The following ZFAND4 variants were observed in gnomAD, a reference collection of about 807,000 sequenced individuals.
ZFAND4 encodes the protein AN1-type zinc finger protein 4.
ZFAND4 carries 43 observed loss-of-function variants against 64.4 expected under a neutral mutation model. The observed-to-expected ratio is 0.67, with a 90% CI of 0.52 to 0.86. ZFAND4 has a LOEUF of 0.86. Among genes scored for constraint, ZFAND4 ranks in the 40% least tolerant of loss-of-function variants. The probability of loss-of-function intolerance (pLI) is 0.00; values close to 1 mark genes in which losing one functional copy is unlikely to be tolerated. For synonymous variants in ZFAND4, 296 were observed against 305.7 expected (o/e 0.97, Z 0.33); for missense variants, 929 against 859.8 (o/e 1.08, Z -1.01).
intron 6 of ZFAND4, among the ~76,000 whole-genome samples, chr10:45,635,334 T>C (rs1197913626): frequency 1.3e-5 from 2 of 148,770 alleles, no homozygotes; most frequent in African/African-American, 2.5e-5. Context: ...GCACAACCAA[T>C]GGAAAAGAAC....
chr10:45,646,397 G>A (rs1225956120), intron 5 of ZFAND4, among the ~76,000 whole-genome samples: 1 of 152,118 alleles, frequency 6.6e-6, no homozygotes, highest in East Asian at 1.9e-4. Context: ...GTTCTTCATG[G>A]TATGATCAGA....
At chr10:45,629,959 C>A (rs1020258956) in intron 6 of ZFAND4, among the ~76,000 whole-genome samples, 2 of 152,090 alleles carry the variant, frequency 1.3e-5, no homozygotes, top group African/African-American at 4.8e-5. Context: ...GAAGAGGATG[C>A]TCTTGAAATA....
At chr10:45,660,950 A>C (rs2048433203) in intron 2 of ZFAND4, among the ~76,000 whole-genome samples, 3 of 152,232 alleles carry the variant, frequency 2.0e-5, no homozygotes, top group Non-Finnish European at 4.4e-5. Flanking sequence ...ACTAAGATCT[A>C]CATAAAGAAA....
intron 5 of ZFAND4, among the ~76,000 whole-genome samples, chr10:45,644,298 A>G (rs1030548521): frequency 2.0e-5 from 3 of 152,246 alleles, no homozygotes; most frequent in African/African-American, 7.2e-5. Context: ...ATTAGATAGC[A>G]AAGCATGATG....
At chr10:45,640,486 G>T in intron 5 of ZFAND4, 1 of 1,134,650 alleles carries the variant, frequency 8.8e-7, no homozygotes, top group Non-Finnish European at 1.1e-6. Flanking sequence ...TATTCTTAAG[G>T]AGCAAAAAAC....
chr10:45,646,408 T>C (rs1051119634), intron 5 of ZFAND4, among the ~76,000 whole-genome samples: 1 of 152,220 alleles, frequency 6.6e-6, no homozygotes, highest in Non-Finnish European at 1.5e-5. Context: ...TATGATCAGA[T>C]TGTTTTCTAC....
chr10:45,671,577 A>C (rs945438898), intron 1 of ZFAND4, among the ~76,000 whole-genome samples: 8 of 152,326 alleles, frequency 5.3e-5, no homozygotes, highest in African/African-American at 1.9e-4. Flanking sequence ...AAACTGTCAC[A>C]AGGACAGAAA....
intron 6 of ZFAND4, among the ~76,000 whole-genome samples, chr10:45,637,826 T>C (rs2046717162): frequency 6.6e-6 from 1 of 151,898 alleles, no homozygotes; most frequent in Non-Finnish European, 1.5e-5. Context: ...ACCCAAAGAA[T>C]AAGAAAGTAA....
At chr10:45,642,508 G>A (rs556753941) in intron 5 of ZFAND4, among the ~76,000 whole-genome samples, 167 of 151,346 alleles carry the variant, frequency 1.1e-3, no homozygotes, top group Non-Finnish European at 2.3e-3. Context: ...TCAGGAGGCT[G>A]AGGCAGGAGA....
At chr10:45,637,787 G>A (rs957590635) in intron 6 of ZFAND4, among the ~76,000 whole-genome samples, 19 of 149,100 alleles carry the variant, frequency 1.3e-4, no homozygotes, top group Admixed American at 4.1e-4. Context: ...AAACAAAACT[G>A]ATAAATTAGA....
At chr10:45,647,156 C>T (rs999311280) in intron 5 of ZFAND4, among the ~76,000 whole-genome samples, 1 of 152,102 alleles carries the variant, frequency 6.6e-6, no homozygotes, top group African/African-American at 2.4e-5. Context: ...ATTTAGGCCC[C>T]AAATCAGTTG....
intron 1 of ZFAND4, among the ~76,000 whole-genome samples, chr10:45,668,468 C>T (rs2048975137): frequency 6.6e-6 from 1 of 152,182 alleles, no homozygotes; most frequent in Admixed American, 6.5e-5. Flanking sequence ...GAAGAAACTG[C>T]AACAATTAAT....
At position 45,616,948 on chromosome 10, in the gene ZFAND4, G is replaced by A. The variant is rs148163808; in HGVS notation, c.2049-377C>T. 2.4e-3 allele frequency among the ~76,000 whole-genome samples: 364 copies of A among 152,134 alleles called. 3 individuals carry two copies. Among genetic ancestry groups the A allele is most frequent in the African/African-American group, 8.5e-3 (353 of 41,516 alleles). On this transcript the variant is annotated intron_variant, in intron 9 of 9. Transcript: ENST00000344646. ...ACAAAAATTAGCTGGGTGTGGTGGC[G>A]TGCATCTATAGTCCAGCTACTCGGG...
intron 9 of ZFAND4, among the ~76,000 whole-genome samples, chr10:45,617,591 GAAAAAAAA>G (rs11362238): frequency 4.2e-5 from 3 of 71,080 alleles, no homozygotes; most frequent in African/African-American, 5.4e-5. Context: ...TTACAGTACT[GAAAAAAAA>G]AAAAAAAAAA....
In ZFAND4 at chr10:45,616,674, T is replaced by C. The variant is rs576728471; in HGVS notation, c.2049-103A>G. ...TTCAGGTAGTCCAACAGGGGCCCTT[T>C]GGTTCTTTTTAGCAATTTCACTGCT... On this transcript the variant is annotated intron_variant, in intron 9 of 9. Transcript: ENST00000344646. The C allele has an allele frequency of 4.2e-4, 521 of 1,237,374 alleles. 1 individual carries two copies. The highest frequency in any genetic ancestry group is 5.5e-4 in the Non-Finnish European group (489 of 884,900). The allele number at this position is 1,237,374 out of a possible 1,614,324, so 76.6% of individuals were successfully genotyped here.
intron 1 of ZFAND4, among the ~76,000 whole-genome samples, chr10:45,670,137 G>A (rs1339115043): frequency 5.3e-5 from 8 of 152,072 alleles, no homozygotes; most frequent in East Asian, 3.9e-4. Context: ...AAACCCCATC[G>A]TCCCAACCCA....
intron 1 of ZFAND4, among the ~76,000 whole-genome samples, chr10:45,670,110 A>C (rs1274733232): frequency 6.6e-6 from 1 of 152,198 alleles, no homozygotes. Flanking sequence ...TGCAGATGAC[A>C]TGATTATACA....
chr10:45,624,431 A>T (rs1246943733), intron 8 of ZFAND4, 152 bp downstream of exon 8: 4 of 625,712 alleles, frequency 6.4e-6, no homozygotes, highest in Non-Finnish European at 1.1e-5. Context: ...CGTTCTCATA[A>T]TTATTCTTAA....
At chr10:45,666,818 CT>C (rs2048854655) in intron 1 of ZFAND4, among the ~76,000 whole-genome samples, 1 of 152,142 alleles carries the variant, frequency 6.6e-6, no homozygotes, top group Non-Finnish European at 1.5e-5. Context: ...AACCAATTTA[CT>C]GTAAATGTGA....
Sources: allele counts gnomAD v4.1 joint callset (sites outside exome capture counted in the v4.1 genomes callset), GRCh38; gene constraint gnomAD v4.1.1; transcripts MANE v1.5; gene names NCBI Gene and HGNC (gene_info 2026-07-23, HGNC 2026-07-21).